Variants in TULP4 observed in about 807,000 individuals in gnomAD.
TULP4 encodes the protein TUB like protein 4, also known as tubby-related protein 4.
A neutral mutation model predicts 129.0 loss-of-function variants in TULP4; 16 were observed. The observed-to-expected ratio is 0.12, with a 90% confidence interval of 0.08 to 0.19. The LOEUF (loss-of-function observed/expected upper bound fraction) is 0.19, where lower values mean the gene tolerates loss of function less well. Among genes scored for constraint, TULP4 ranks in the 10% least tolerant of loss-of-function variants. The pLI is 1.00. For missense variants in TULP4, 1,842 were observed against 2,059.1 expected, an observed-to-expected ratio of 0.89 and a Z score of 2.04; for synonymous variants, 998 against 854.0, an observed-to-expected ratio of 1.17 and a Z score of -2.94.
chr6:158,486,547 G>A (rs544564179), intron 8 of TULP4, among the ~76,000 whole-genome samples: 3 of 150,328 alleles, frequency 2.0e-5, no homozygotes, highest in East Asian at 2.0e-4. Context: ...AGCAAGACTC[G>A]TCTCAAAAAA....
chr6:158,254,725 A>G (rs1405385188), intron 1 of TULP4, among the ~76,000 whole-genome samples: 1 of 152,196 alleles, frequency 6.6e-6, no homozygotes, highest in Non-Finnish European at 1.5e-5. Flanking sequence ...GCCTGTAGTC[A>G]TGAGATGTTA....
intron 1 of TULP4, among the ~76,000 whole-genome samples, chr6:158,264,377 G>A (rs552649476): frequency 9.9e-5 from 15 of 152,152 alleles, no homozygotes; most frequent in Non-Finnish European, 2.2e-4. Flanking sequence ...ACGTATGTTG[G>A]TTTGTCATCT....
chr6:158,337,563 G>C (rs1434846967), intron 1 of TULP4, among the ~76,000 whole-genome samples: 5 of 152,206 alleles, frequency 3.3e-5, no homozygotes, highest in Non-Finnish European at 5.9e-5. Context: ...TGTCACTAAA[G>C]CCCTGGCACT....
intron 1 of TULP4, among the ~76,000 whole-genome samples, chr6:158,364,193 G>C (rs6906230): frequency 0.053 from 8,133 of 152,200 alleles, 283 homozygotes; most frequent in African/African-American, 0.093. Context: ...ATAATATTTA[G>C]GAACTGTCAA....
chr6:158,330,283 C>T (rs1392890314), intron 1 of TULP4, among the ~76,000 whole-genome samples: 1 of 152,190 alleles, frequency 6.6e-6, no homozygotes, highest in Non-Finnish European at 1.5e-5. Flanking sequence ...AGGGCTGTGG[C>T]AGAGCTCCAT....
At chr6:158,278,382 T>C (rs1321205755), upstream of TULP4, among the ~76,000 whole-genome samples, 3 of 150,524 alleles carry the variant, frequency 2.0e-5, no homozygotes, top group Non-Finnish European at 4.4e-5. Flanking sequence ...TAGAAGAAAA[T>C]ACTAGTTTTT....
At chr6:158,255,082 CAAAACA>C (rs776176624) in intron 1 of TULP4, among the ~76,000 whole-genome samples, 3 of 152,054 alleles carry the variant, frequency 2.0e-5, no homozygotes, top group Non-Finnish European at 2.9e-5. Flanking sequence ...AAAAACAAAA[CAAAACA>C]AAAGCAACAG....
At chr6:158,497,690 TG>T (rs1253532193) in intron 11 of TULP4, among the ~76,000 whole-genome samples, 1 of 152,266 alleles carries the variant, frequency 6.6e-6, no homozygotes, top group Non-Finnish European at 1.5e-5. Flanking sequence ...CTTTCCTTTG[TG>T]GACAAGAGAG....
chr6:158,508,160 G>T lies in TULP4; in HGVS notation c.*1466G>T, dbSNP rs532352305. On this transcript the variant is annotated 3_prime_UTR_variant, in exon 14 of 14. Coordinates refer to ENST00000367097, the MANE Select transcript of TULP4 (RefSeq NM_020245.5). ...GTGTTTTTTGTTGTTGTTTTTTGTT[G>T]TTGTTTTTTGTTTTTGTTTTTGTTT... 1.2e-4 allele frequency: 18 copies of T among 151,648 alleles called. No individual in the cohort carries two copies. The East Asian group carries it at 1.9e-3, about 16-fold the overall frequency. 9.4% of individuals were successfully genotyped at this position (151,648 alleles called of 1,614,324 possible).
chr6:158,421,040 C>T (rs1479127784), intron 2 of TULP4, among the ~76,000 whole-genome samples: 3 of 152,072 alleles, frequency 2.0e-5, no homozygotes, highest in Admixed American at 1.3e-4. Context: ...TTTGGAGAGG[C>T]GTGAGACATT....
At chr6:158,501,607 G>T (rs751220936) in intron 12 of TULP4, 71 bp from the exon 13 acceptor site, 3 of 1,446,682 alleles carry the variant, frequency 2.1e-6, no homozygotes, top group African/African-American at 2.8e-5. Flanking sequence ...GAGTCCAGAC[G>T]TATTGCTTAT....
At chr6:158,491,448 T>TTTTTTTGAGGAG (rs1562589201) in intron 9 of TULP4, among the ~76,000 whole-genome samples, 5 of 59,808 alleles carry the variant, frequency 8.4e-5, no homozygotes, top group Admixed American at 1.2e-4. Flanking sequence ...TTTCTTTTCT[T>TTTTTTTGAGGAG]TCTTTCTTTT....
At chr6:158,314,367 C>T (rs1779438145) in intron 1 of TULP4, 99 bp downstream of exon 1, 1 of 1,421,896 alleles carries the variant, frequency 7.0e-7, no homozygotes, top group Admixed American at 2.0e-5. Flanking sequence ...CATAGACTTG[C>T]TGCCTAGTGA....
intron 2 of TULP4, 33 bp from the exon 3 acceptor site, chr6:158,429,703 A>G: frequency 6.3e-7 from 1 of 1,591,718 alleles, no homozygotes; most frequent in Non-Finnish European, 8.6e-7. Context: ...TTTTCAGATT[A>G]CAAATTGACT....
At chr6:158,324,060 A>G (rs1246844492) in intron 1 of TULP4, among the ~76,000 whole-genome samples, 10 of 152,162 alleles carry the variant, frequency 6.6e-5, no homozygotes, top group Non-Finnish European at 1.5e-4. Flanking sequence ...GAATAGTGGA[A>G]ACTTACCTAG....
At chr6:158,264,740 T>C (rs977365290) in intron 1 of TULP4, among the ~76,000 whole-genome samples, 2 of 152,184 alleles carry the variant, frequency 1.3e-5, no homozygotes, top group Admixed American at 6.5e-5. Context: ...GAGCACCGCA[T>C]GTGGGTTGTG....
chr6:158,239,969 C>G (rs1414388066), intron 1 of TULP4, among the ~76,000 whole-genome samples: 6 of 69,762 alleles, frequency 8.6e-5, no homozygotes, highest in African/African-American at 2.0e-4. Flanking sequence ...CCCTCCCGGA[C>G]GGGGCGGCTG....
At chr6:158,334,418 T>G (rs868090728) in intron 1 of TULP4, among the ~76,000 whole-genome samples, 5 of 152,228 alleles carry the variant, frequency 3.3e-5, no homozygotes, top group Admixed American at 2.0e-4. Flanking sequence ...TTAATAATGT[T>G]TTCTTTTTCT....
chr6:158,449,586 G>A (rs1420036391), intron 4 of TULP4, among the ~76,000 whole-genome samples: 1 of 152,020 alleles, frequency 6.6e-6, no homozygotes, highest in African/African-American at 2.4e-5. Context: ...ATTAAAGCCC[G>A]CGGCTTTAGG....
Sources: gnomAD v4.1 joint callset for allele counts (sites outside exome capture counted in the v4.1 genomes callset) on GRCh38, gnomAD v4.1.1 for gene constraint, MANE v1.5 for transcripts, NCBI Gene and HGNC (gene_info 2026-07-23, HGNC 2026-07-21) for gene names.